The following PLEKHD1 variants were observed in gnomAD, a reference collection of about 807,000 sequenced individuals.
PLEKHD1 encodes the protein pleckstrin homology domain-containing family D member 1.
A neutral mutation model predicts 69.2 loss-of-function variants in PLEKHD1; 51 were observed. The ratio of observed to expected loss-of-function variants is 0.74; its 90% CI spans 0.59 to 0.93. The LOEUF (loss-of-function observed/expected upper bound fraction) is 0.93. Among genes scored for constraint, PLEKHD1 ranks in the 40% least tolerant of loss-of-function variants. PLEKHD1 has a pLI of 0.00. For missense variants in PLEKHD1, 584 were observed against 641.0 expected, an observed-to-expected ratio of 0.91 and a Z score of 0.96; for synonymous variants, 236 against 244.7, an observed-to-expected ratio of 0.96 and a Z score of 0.33.
chr14:69,519,980 G>A (rs1883473757), intron 6 of PLEKHD1, among the ~76,000 whole-genome samples: 1 of 151,924 alleles, frequency 6.6e-6, no homozygotes, highest in Non-Finnish European at 1.5e-5. Context: ...TAGCCAACAT[G>A]GTAGAACCCC....
chr14:69,488,985 C>A (rs909338143), intron 1 of PLEKHD1, among the ~76,000 whole-genome samples: 2 of 140,556 alleles, frequency 1.4e-5, no homozygotes, highest in Admixed American at 1.4e-4. Flanking sequence ...CTCTGGATCA[C>A]CCAGCCATAA....
the PLEKHD1 span, among the ~76,000 whole-genome samples, chr14:69,470,654 T>A: frequency 1.1e-4 from 16 of 152,310 alleles, no homozygotes; most frequent in Non-Finnish European, 2.2e-4. Context: ...AGCATTAACT[T>A]CTTGCCCATG....
chr14:69,482,674 T>C (rs1882563318), upstream of PLEKHD1, among the ~76,000 whole-genome samples: 2 of 152,144 alleles, frequency 1.3e-5, no homozygotes, highest in South Asian at 2.1e-4. Context: ...TGCAAGCCTG[T>C]GTATGCTTTT....
At chr14:69,473,398 G>A in the PLEKHD1 span, among the ~76,000 whole-genome samples, 123 of 150,016 alleles carry the variant, frequency 8.2e-4, no homozygotes, top group African/African-American at 2.9e-3. Context: ...AGGACCAGCT[G>A]CTGACCCTGC....
In PLEKHD1 at chr14:69,485,702, A is replaced by T. The variant is rs552515899; in HGVS notation, c.149+588A>T. Among the ~76,000 whole-genome samples, 41 of 152,272 alleles carry T rather than the reference A, an allele frequency of 2.7e-4. No individual in the cohort carries two copies. The South Asian group carries it at 6.2e-3, about 23-fold the overall frequency. ...AACTGTCCCTTGAAATAATTTTTTT[A>T]AAAGTGAGCACAGGGAAGAGAGATT... is the stretch of plus-strand genomic sequence containing the variant. On this transcript the variant is annotated intron_variant, in intron 1 of 12. Coordinates refer to ENST00000322564, the MANE Select transcript of PLEKHD1 (RefSeq NM_001161498.2).
At chr14:69,478,356 C>G in the PLEKHD1 span, among the ~76,000 whole-genome samples, 2 of 152,214 alleles carry the variant, frequency 1.3e-5, no homozygotes, top group Non-Finnish European at 2.9e-5. Flanking sequence ...CTCTGACATG[C>G]CCTGGAGACA....
At chr14:69,526,426 G>C (rs1256770912) in intron 9 of PLEKHD1, among the ~76,000 whole-genome samples, 3 of 152,154 alleles carry the variant, frequency 2.0e-5, no homozygotes, top group Admixed American at 2.0e-4. Flanking sequence ...AGGAAATGGA[G>C]CCTCAGGGGG....
At chr14:69,484,716 C>CGGGT (rs1882612538), upstream of PLEKHD1, 1 of 432,424 alleles carries the variant, frequency 2.3e-6, no homozygotes, top group Non-Finnish European at 4.1e-6. Flanking sequence ...GAGGCTGAGC[C>CGGGT]ACCCTCCCCG....
At chr14:69,492,288 A>T (rs1482288938) in intron 1 of PLEKHD1, among the ~76,000 whole-genome samples, 1 of 152,124 alleles carries the variant, frequency 6.6e-6, no homozygotes, top group Non-Finnish European at 1.5e-5. Flanking sequence ...AATTCCCAAG[A>T]TACTCCTATT....
At chr14:69,487,051 G>T (rs942162398) in intron 1 of PLEKHD1, among the ~76,000 whole-genome samples, 6 of 152,312 alleles carry the variant, frequency 3.9e-5, no homozygotes, top group African/African-American at 9.6e-5. Flanking sequence ...CAAGGAGATT[G>T]TTACCTGGGT....
At chr14:69,518,814 T>C (rs553597481) in intron 6 of PLEKHD1, among the ~76,000 whole-genome samples, 6 of 152,154 alleles carry the variant, frequency 3.9e-5, no homozygotes, top group Non-Finnish European at 8.8e-5. Context: ...TAGGCAGCTT[T>C]TGGCTCAAGT....
intron 3 of PLEKHD1, 30 bp downstream of exon 3, chr14:69,500,696 T>A: frequency 6.5e-7 from 1 of 1,547,464 alleles, no homozygotes; most frequent in South Asian, 1.2e-5. Flanking sequence ...CAGCCTGGGC[T>A]CCGCAGGAGC....
chr14:69,519,894 G>A (rs1883471562), intron 6 of PLEKHD1, among the ~76,000 whole-genome samples: 2 of 152,222 alleles, frequency 1.3e-5, no homozygotes, highest in Admixed American at 1.3e-4. Context: ...GCGCACGGTG[G>A]CTCACGCCTA....
At chr14:69,520,187 A>G (rs1883481094) in intron 6 of PLEKHD1, among the ~76,000 whole-genome samples, 1 of 149,708 alleles carries the variant, frequency 6.7e-6, no homozygotes, top group Non-Finnish European at 1.5e-5. Flanking sequence ...AAAAAAAAAA[A>G]AAAAAAAAAG....
upstream of PLEKHD1, among the ~76,000 whole-genome samples, chr14:69,480,848 T>C (rs1481619036): frequency 6.6e-6 from 1 of 152,184 alleles, no homozygotes; most frequent in Non-Finnish European, 1.5e-5. Flanking sequence ...AGATGGAGTT[T>C]CGCCATGTTG....
intron 1 of PLEKHD1, among the ~76,000 whole-genome samples, chr14:69,495,205 A>G (rs1009156041): frequency 1.3e-5 from 2 of 152,170 alleles, no homozygotes; most frequent in Admixed American, 6.5e-5. Flanking sequence ...ATTAGGGAAC[A>G]CTTTCTGTGT....
intron 5 of PLEKHD1, 36 bp from the exon 6 acceptor site, chr14:69,502,791 G>C (rs1883059112): frequency 6.4e-7 from 1 of 1,551,238 alleles, no homozygotes; most frequent in Non-Finnish European, 8.7e-7. Context: ...TTTCCTGATT[G>C]TGTGTGCATG....
At chr14:69,515,341 CCCCCCCTGGAGTTTTAACTCTTCA>C (rs1157601848) in intron 6 of PLEKHD1, among the ~76,000 whole-genome samples, 1 of 151,988 alleles carries the variant, frequency 6.6e-6, no homozygotes. Context: ...CTAAGATTGG[CCCCCCCTGGAGTTTTAACTCTTCA>C]AACTGAACCT....
the PLEKHD1 span, among the ~76,000 whole-genome samples, chr14:69,478,441 T>C: frequency 6.6e-6 from 1 of 152,214 alleles, no homozygotes; most frequent in Admixed American, 6.5e-5. Context: ...GCTTGGATTT[T>C]CTTTTCTATC....
Sources: allele counts gnomAD v4.1 joint callset (sites outside exome capture counted in the v4.1 genomes callset), GRCh38; gene constraint gnomAD v4.1.1; transcripts MANE v1.5; gene names NCBI Gene and HGNC (gene_info 2026-07-23, HGNC 2026-07-21).